Variants in DGKB observed in about 807,000 individuals in gnomAD.
The protein encoded by DGKB is diacylglycerol kinase beta, also known as 90 kDa diacylglycerol kinase.
DGKB carries 67 observed loss-of-function variants against 114.3 expected under a neutral mutation model. That is an observed-to-expected ratio of 0.59 (90% CI 0.48 to 0.72). DGKB has a LOEUF of 0.72. Among genes scored for constraint, DGKB ranks in the 30% least tolerant of loss-of-function variants. The pLI is 0.00. For synonymous variants in DGKB, 398 were observed against 323.1 expected (o/e 1.23, Z -2.49); for missense variants, 907 against 975.2 (o/e 0.93, Z 0.93).
chr7:14,346,134 T>C (rs1035269043), intron 21 of DGKB, among the ~76,000 whole-genome samples: 2 of 151,710 alleles, frequency 1.3e-5, no homozygotes, highest in Non-Finnish European at 3.0e-5. Context: ...CAAAGAAGTT[T>C]TTGTTATGGT....
chr7:14,276,419 A>G (rs1290297897), intron 23 of DGKB, among the ~76,000 whole-genome samples: 1 of 152,202 alleles, frequency 6.6e-6, no homozygotes, highest in African/African-American at 2.4e-5. Flanking sequence ...GTATGTCTAC[A>G]TGATAGAATA....
At chr7:14,765,364 T>C (rs1219432247) in intron 2 of DGKB, among the ~76,000 whole-genome samples, 1 of 152,012 alleles carries the variant, frequency 6.6e-6, no homozygotes, top group Non-Finnish European at 1.5e-5. Context: ...GTTACACATA[T>C]AGCAATAAGT....
chr7:14,162,882 T>C (rs1784108253), intron 25 of DGKB, among the ~76,000 whole-genome samples: 1 of 152,216 alleles, frequency 6.6e-6, no homozygotes, highest in South Asian at 2.1e-4. Context: ...TACTTCAGTA[T>C]CTTTCCAAAG....
At position 14,149,246 on chromosome 7, in the gene DGKB, A is replaced by C. The variant is rs753812566; in HGVS notation, c.2305-8T>G. ...CTTGTGTGTAATTTTTATCTAGAAA[A>C]AAAGAGAGAGAGAGAGAGAGAAAGA... On this transcript the variant is annotated splice_polypyrimidine_tract_variant and splice_region_variant and intron_variant, in intron 25 of 25. Coordinates refer to ENST00000402815, the MANE Select transcript of DGKB (RefSeq NM_001350709.2). 2.0e-5 allele frequency: 32 copies of C among 1,599,062 alleles called. No individual in the cohort carries two copies. Among genetic ancestry groups the C allele is most frequent in the Non-Finnish European group, 2.7e-5 (32 of 1,168,074 alleles).
At chr7:14,584,546 T>C (rs1199526446) in intron 17 of DGKB, among the ~76,000 whole-genome samples, 3 of 152,194 alleles carry the variant, frequency 2.0e-5, no homozygotes, top group Non-Finnish European at 4.4e-5. Context: ...CTTCCCTGTT[T>C]ACTAGTGAGT....
chr7:14,725,527 T>C (rs1239392198), intron 5 of DGKB, among the ~76,000 whole-genome samples: 2 of 152,060 alleles, frequency 1.3e-5, no homozygotes, highest in African/African-American at 2.4e-5. Flanking sequence ...TCAGAATGTA[T>C]AATATCTTTA....
At chr7:14,393,082 G>C (rs1358931889) in intron 21 of DGKB, among the ~76,000 whole-genome samples, 13 of 147,214 alleles carry the variant, frequency 8.8e-5, no homozygotes, top group Non-Finnish European at 1.5e-4. Flanking sequence ...TCTGCCCCCT[G>C]GGGTTCACGC....
chr7:14,787,154 T>A (rs531464798), intron 2 of DGKB, among the ~76,000 whole-genome samples: 115 of 152,196 alleles, frequency 7.6e-4, no homozygotes, highest in African/African-American at 2.7e-3. Context: ...ACCTCATTCT[T>A]CCCAGATACG....
chr7:14,315,388 A>G (rs1562915282), intron 23 of DGKB, among the ~76,000 whole-genome samples: 1 of 149,686 alleles, frequency 6.7e-6, no homozygotes. Context: ...CAGGAAACCC[A>G]TCTCACGTGC....
intron 17 of DGKB, among the ~76,000 whole-genome samples, chr7:14,596,112 T>C (rs1172486905): frequency 6.6e-6 from 1 of 152,190 alleles, no homozygotes; most frequent in Non-Finnish European, 1.5e-5. Context: ...TTATAAAACA[T>C]GTACTTTACA....
chr7:14,621,558 T>G lies in DGKB; in HGVS notation c.1168-64A>C, dbSNP rs933834258. ...AAAATAACATAATAAAATGTTAAGT[T>G]GTTTTTACTAATAGAAGAGTTTCAT... On this transcript the variant is annotated intron_variant, in intron 14 of 25. Transcript: ENST00000402815. 48 of 984,272 alleles carry G rather than the reference T, an allele frequency of 4.9e-5. 1 individual carries two copies. In the South Asian group the frequency reaches 7.4e-4, roughly 15 times the overall value. 61.0% of individuals were successfully genotyped at this position (984,272 alleles called of 1,614,324 possible). A position where few individuals can be genotyped will look rare whatever the true frequency, so the allele number is the denominator to read the frequency against.
At chr7:14,703,761 G>C (rs544934779) in intron 6 of DGKB, among the ~76,000 whole-genome samples, 1 of 152,204 alleles carries the variant, frequency 6.6e-6, no homozygotes, top group East Asian at 1.9e-4. Context: ...GCAGCCTCTA[G>C]AATTTGTTCT....
intron 3 of DGKB, 76 bp from the exon 4 acceptor site, chr7:14,754,024 A>T: frequency 1.9e-6 from 2 of 1,048,202 alleles, no homozygotes; most frequent in Non-Finnish European, 2.8e-6. Flanking sequence ...ATCTCTGATT[A>T]TTTAGCTAAA....
chr7:14,711,062 C>T (rs1050873764), intron 6 of DGKB, among the ~76,000 whole-genome samples: 1 of 152,028 alleles, frequency 6.6e-6, no homozygotes, highest in African/African-American at 2.4e-5. Context: ...AAATTTTGAA[C>T]AGGTTTTTAA....
At chr7:14,968,024 C>G (rs548214182) in intron 1 of DGKB, among the ~76,000 whole-genome samples, 1 of 152,266 alleles carries the variant, frequency 6.6e-6, no homozygotes, top group African/African-American at 2.4e-5. Context: ...TTCAGCCACA[C>G]TCCATATAGT....
intron 3 of DGKB, among the ~76,000 whole-genome samples, chr7:14,755,973 G>A (rs957237612): frequency 6.6e-6 from 1 of 151,952 alleles, no homozygotes; most frequent in South Asian, 2.1e-4. Flanking sequence ...GTTGAAAAGG[G>A]TGATATGTGT....
intron 2 of DGKB, among the ~76,000 whole-genome samples, chr7:14,823,262 A>T (rs543415831): frequency 1.4e-4 from 22 of 152,078 alleles, no homozygotes; most frequent in Admixed American, 3.9e-4. Flanking sequence ...ATAATTATTA[A>T]TTGATTTTTA....
At chr7:14,288,631 T>C (rs564094079) in intron 23 of DGKB, among the ~76,000 whole-genome samples, 5 of 152,266 alleles carry the variant, frequency 3.3e-5, no homozygotes, top group Admixed American at 3.3e-4. Flanking sequence ...CCATCCACCT[T>C]ACACCCCTTA....
chr7:14,942,900 A>G (rs1405272447), intron 1 of DGKB, among the ~76,000 whole-genome samples: 4 of 151,966 alleles, frequency 2.6e-5, no homozygotes, highest in Admixed American at 2.6e-4. Flanking sequence ...AATTTGTCTC[A>G]AAGCCTGATC....
Sources: gnomAD v4.1 joint callset for allele counts (sites outside exome capture counted in the v4.1 genomes callset) on GRCh38, gnomAD v4.1.1 for gene constraint, MANE v1.5 for transcripts, NCBI Gene and HGNC (gene_info 2026-07-23, HGNC 2026-07-21) for gene names.